Variants in SEMA3C observed in about 807,000 individuals in gnomAD.
The protein encoded by SEMA3C is semaphorin 3C.
A neutral mutation model predicts 89.4 loss-of-function variants in SEMA3C; 47 were observed. That is an observed-to-expected ratio of 0.53 (90% CI 0.42 to 0.67). The LOEUF (loss-of-function observed/expected upper bound fraction) is 0.67. SEMA3C is among the 30% of genes least tolerant of loss of function. The probability of loss-of-function intolerance (pLI) is 0.00; values close to 1 mark genes in which losing one functional copy is unlikely to be tolerated. For synonymous variants in SEMA3C, 310 were observed against 320.2 expected (o/e 0.97, Z 0.34); for missense variants, 839 against 929.1 (o/e 0.90, Z 1.26).
At chr7:80,916,164 A>G (rs1792268336) in intron 2 of SEMA3C, among the ~76,000 whole-genome samples, 1 of 152,210 alleles carries the variant, frequency 6.6e-6, no homozygotes, top group Non-Finnish European at 1.5e-5. Context: ...GTCCTTTTCA[A>G]TTAATTAGGG....
chr7:80,920,237 A>C (rs1035952699), upstream of SEMA3C, among the ~76,000 whole-genome samples: 1 of 152,154 alleles, frequency 6.6e-6, no homozygotes, highest in African/African-American at 2.4e-5. Context: ...AATAAACTAG[A>C]TGTTTAAACA....
chr7:80,772,269 CT>C (rs1788450185), intron 12 of SEMA3C, among the ~76,000 whole-genome samples: 1 of 152,104 alleles, frequency 6.6e-6, no homozygotes, highest in Admixed American at 6.5e-5. Context: ...CTGCTAAAAT[CT>C]TTTAATAGTG....
chr7:80,883,407 T>C (rs1007143611), intron 2 of SEMA3C, among the ~76,000 whole-genome samples: 10 of 152,226 alleles, frequency 6.6e-5, no homozygotes, highest in South Asian at 2.1e-4. Context: ...GTGTTTGAAC[T>C]GTGCTTGATC....
intron 2 of SEMA3C, among the ~76,000 whole-genome samples, chr7:80,850,596 A>G (rs1036817557): frequency 7.2e-5 from 11 of 152,204 alleles, no homozygotes; most frequent in Non-Finnish European, 1.5e-4. Context: ...TGGTGGTTAT[A>G]TTCAGGGAGA....
At chr7:80,905,812 T>C in intron 2 of SEMA3C, 1 of 1,258,322 alleles carries the variant, frequency 7.9e-7, no homozygotes, top group Middle Eastern at 2.2e-4. Flanking sequence ...TTTACATGGT[T>C]GGCTTATGCC....
At chr7:80,833,568 G>C (rs1477998432) in intron 2 of SEMA3C, among the ~76,000 whole-genome samples, 1 of 151,994 alleles carries the variant, frequency 6.6e-6, no homozygotes, top group African/African-American at 2.4e-5. Context: ...TCTGGTCCAG[G>C]GATTTTTATC....
intron 2 of SEMA3C, among the ~76,000 whole-genome samples, chr7:80,845,062 C>A (rs1343181000): frequency 1.3e-5 from 2 of 152,106 alleles, no homozygotes; most frequent in Non-Finnish European, 2.9e-5. Flanking sequence ...TGTTGAATCT[C>A]CAGCAGGGCC....
Position 80,855,178 on chromosome 7 carries a change from A to G in SEMA3C, c.104-26433T>C, listed in dbSNP as rs376881373. Among the ~76,000 whole-genome samples the G allele has an allele frequency of 3.5e-4, 53 of 152,362 alleles. No homozygotes were observed. The East Asian group carries it at 4.1e-3, about 12-fold the overall frequency. On this transcript the variant is annotated intron_variant, in intron 2 of 17. Coordinates refer to ENST00000265361, the MANE Select transcript of SEMA3C (RefSeq NM_006379.5). ...TATTATCCAAAATGGAACATATTTT[A>G]AAGTGAAAGGAGAAAGCTAGCAGTA...
In SEMA3C at chr7:80,759,633, T is replaced by C. The variant is rs918552945; in HGVS notation, c.1486-1145A>G. Among the ~76,000 whole-genome samples the C allele has an allele frequency of 5.9e-5, 9 of 152,338 alleles. No individual in the cohort carries two copies. In the East Asian group the frequency reaches 7.7e-4, roughly 13 times the overall value. ...AAGTTGCTCAATGAATGTTAATTAA[T>C]GGTAAAAAGTACAGTAAAATACCAG... On this transcript the variant is annotated intron_variant, in intron 14 of 17. Transcript: ENST00000265361.
rs767733 is a variant in SEMA3C at position 80,876,818 on chromosome 7, G to A, written c.103+39861C>T. 4.5e-3 allele frequency among the ~76,000 whole-genome samples: 681 copies of A among 152,286 alleles called. 6 individuals carry two copies. The highest frequency in any genetic ancestry group is 0.015 in the African/African-American group (628 of 41,564). On this transcript the variant is annotated intron_variant, in intron 2 of 17. Coordinates refer to ENST00000265361, the MANE Select transcript of SEMA3C (RefSeq NM_006379.5). ...ATCTGATTTGTCACATGCAAAATACGTATTCTTAAGCAGCGTGAAAACACT... is the reference window on the plus strand; with the variant it reads ...ATCTGATTTGTCACATGCAAAATACATATTCTTAAGCAGCGTGAAAACACT...
At chr7:80,913,330 G>A (rs1408379808) in intron 2 of SEMA3C, among the ~76,000 whole-genome samples, 7 of 152,156 alleles carry the variant, frequency 4.6e-5, no homozygotes, top group African/African-American at 1.7e-4. Context: ...GAACCCAGGA[G>A]GTGGAGGTTG....
intron 2 of SEMA3C, among the ~76,000 whole-genome samples, chr7:80,897,371 G>A (rs945750602): frequency 6.6e-6 from 1 of 152,188 alleles, no homozygotes; most frequent in Admixed American, 6.5e-5. Flanking sequence ...CCAGAGGGAA[G>A]TAGTGCCTTC....
chr7:80,886,777 T>C (rs1791489438), intron 2 of SEMA3C, among the ~76,000 whole-genome samples: 1 of 152,212 alleles, frequency 6.6e-6, no homozygotes, highest in Admixed American at 6.5e-5. Context: ...ATAAAATTAT[T>C]AAACCAACCT....
intron 12 of SEMA3C, among the ~76,000 whole-genome samples, chr7:80,771,549 A>G (rs893614727): frequency 3.9e-5 from 6 of 152,182 alleles, no homozygotes; most frequent in Non-Finnish European, 7.3e-5. Flanking sequence ...CACTGTCTCT[A>G]GCCAAGAAAT....
chr7:80,844,810 T>A (rs183796806), intron 2 of SEMA3C, among the ~76,000 whole-genome samples: 1 of 152,148 alleles, frequency 6.6e-6, no homozygotes, highest in Non-Finnish European at 1.5e-5. Flanking sequence ...CAGTGCAAAC[T>A]CGACCATCAA....
intron 2 of SEMA3C, among the ~76,000 whole-genome samples, chr7:80,829,229 C>A (rs1252874824): frequency 6.6e-6 from 1 of 151,940 alleles, no homozygotes; most frequent in African/African-American, 2.4e-5. Context: ...AAACATAAAC[C>A]ACTAAGTGCA....
chr7:80,785,200 C>T (rs376058469), intron 12 of SEMA3C, among the ~76,000 whole-genome samples: 3 of 152,224 alleles, frequency 2.0e-5, no homozygotes, highest in East Asian at 1.9e-4. Context: ...TTACCAGGCA[C>T]GGAGCCCACA....
At chr7:80,892,553 AAAC>A (rs1208339310) in intron 2 of SEMA3C, among the ~76,000 whole-genome samples, 18 of 152,214 alleles carry the variant, frequency 1.2e-4, no homozygotes, top group East Asian at 3.9e-4. Flanking sequence ...AAATTTAAAA[AAAC>A]AACAACAACA....
intron 16 of SEMA3C, 141 bp from the exon 17 acceptor site, chr7:80,749,169 T>A: frequency 1.2e-6 from 1 of 857,818 alleles, no homozygotes; most frequent in Non-Finnish European, 1.7e-6. Context: ...AAAACAGTGG[T>A]AATCATTTAA....
Sources: gnomAD v4.1 joint callset for allele counts (sites outside exome capture counted in the v4.1 genomes callset) on GRCh38, gnomAD v4.1.1 for gene constraint, MANE v1.5 for transcripts, NCBI Gene and HGNC (gene_info 2026-07-23, HGNC 2026-07-21) for gene names.